THSD4: variants seen among roughly 807,000 people sequenced by gnomAD.
THSD4 encodes the protein thrombospondin type 1 domain containing 4.
A neutral mutation model predicts 119.0 loss-of-function variants in THSD4; 69 were observed. The ratio of observed to expected loss-of-function variants is 0.58; its 90% CI spans 0.48 to 0.71. The LOEUF (loss-of-function observed/expected upper bound fraction) is 0.71. Among genes scored for constraint, THSD4 ranks in the 30% least tolerant of loss-of-function variants. The probability of loss-of-function intolerance (pLI) is 0.00; values close to 1 mark genes in which losing one functional copy is unlikely to be tolerated. For missense variants in THSD4, 1,393 were observed against 1,391.1 expected, an observed-to-expected ratio of 1.00 and a Z score of -0.02; for synonymous variants, 524 against 540.4, an observed-to-expected ratio of 0.97 and a Z score of 0.42.
chr15:71,476,153 T>C (rs1358588057), intron 7 of THSD4, among the ~76,000 whole-genome samples: 1 of 152,208 alleles, frequency 6.6e-6, no homozygotes, highest in Non-Finnish European at 1.5e-5. Flanking sequence ...TGATCCATCA[T>C]GGTCATTCCA....
At position 71,609,178 on chromosome 15, in the gene THSD4, CAG is replaced by C. The variant is rs557227666; in HGVS notation, c.1153-51351_1153-51350del. On this transcript the variant is annotated intron_variant, in intron 7 of 17. Transcript: ENST00000261862. ...GAACTGAAGACTGGTAATGTGAAGACAGGGGAAAAAAAGAATAGAGGATGTAA... is the reference window on the plus strand; with the variant it reads ...GAACTGAAGACTGGTAATGTGAAGACGGGAAAAAAAGAATAGAGGATGTAA... Among the ~76,000 whole-genome samples the C allele has an allele frequency of 1.7e-3, 265 of 151,924 alleles. 1 individual carries two copies. Among genetic ancestry groups the C allele is most frequent in the Admixed American group, 4.1e-3 (63 of 15,262 alleles).
chr15:71,387,793 T>G (rs1022132782), intron 6 of THSD4, among the ~76,000 whole-genome samples: 4 of 152,232 alleles, frequency 2.6e-5, no homozygotes, highest in Non-Finnish European at 4.4e-5. Context: ...AGAATCCTGG[T>G]CAGCACAGCT....
intron 10 of THSD4, among the ~76,000 whole-genome samples, chr15:71,736,881 G>A (rs978457870): frequency 2.0e-5 from 3 of 152,202 alleles, no homozygotes; most frequent in African/African-American, 7.2e-5. Flanking sequence ...TCAAACCGGA[G>A]GAGGAAGTGG....
intron 6 of THSD4, among the ~76,000 whole-genome samples, chr15:71,322,565 A>T (rs901536799): frequency 1.3e-5 from 2 of 152,228 alleles, no homozygotes; most frequent in Non-Finnish European, 2.9e-5. Context: ...TATTATCTTA[A>T]AACGTTTCTA....
Position 71,378,073 on chromosome 15 carries a change from G to A in THSD4, c.1016-33614G>A, listed in dbSNP as rs567477524. 2.0e-5 allele frequency among the ~76,000 whole-genome samples: 3 copies of A among 152,296 alleles called. No homozygotes were observed. The South Asian group carries it at 6.2e-4, about 32-fold the overall frequency. On this transcript the variant is annotated intron_variant, in intron 6 of 17. Coordinates refer to ENST00000261862, the MANE Select transcript of THSD4 (RefSeq NM_024817.3). The stretch of plus-strand genomic sequence containing the variant: ...TGTACAGTTGTTCAGGTTGTGCACT[G>A]CACAGGGTACTGCATCTAAGGGGAT...
chr15:71,763,007 G>T (rs1278803338), intron 15 of THSD4, among the ~76,000 whole-genome samples: 1 of 152,030 alleles, frequency 6.6e-6, no homozygotes, highest in Non-Finnish European at 1.5e-5. Context: ...GGAGGCAGAG[G>T]TTGCAGTGAG....
At chr15:71,241,983 A>G (rs996937825) in intron 4 of THSD4, among the ~76,000 whole-genome samples, 4 of 152,154 alleles carry the variant, frequency 2.6e-5, no homozygotes, top group East Asian at 1.9e-4. Context: ...CTTCTAAACC[A>G]ATGTGAAGAT....
At chr15:71,731,486 AC>A (rs2052979371) in intron 10 of THSD4, 1 of 435,274 alleles carries the variant, frequency 2.3e-6, no homozygotes, top group Non-Finnish European at 4.3e-6. Context: ...AATGCTTTAT[AC>A]TAGTTTCCAG....
At chr15:71,754,844 T>C (rs1173038539) in intron 14 of THSD4, among the ~76,000 whole-genome samples, 1 of 152,126 alleles carries the variant, frequency 6.6e-6, no homozygotes, top group African/African-American at 2.4e-5. Context: ...TGAGGGATTA[T>C]ATACCATTTT....
chr15:71,747,507 G>A (rs1479072960), intron 13 of THSD4, among the ~76,000 whole-genome samples: 9 of 152,188 alleles, frequency 5.9e-5, no homozygotes, highest in East Asian at 1.9e-4. Flanking sequence ...CACGAACAAC[G>A]TTGGACATGT....
chr15:71,729,892 G>A (rs371074665), intron 9 of THSD4: 9 of 152,092 alleles, frequency 5.9e-5, no homozygotes, highest in African/African-American at 1.9e-4. Context: ...GGAACCTGAG[G>A]TCACACAACC....
At chr15:71,628,647 G>C (rs966755860) in intron 7 of THSD4, among the ~76,000 whole-genome samples, 1 of 152,226 alleles carries the variant, frequency 6.6e-6, no homozygotes, top group Non-Finnish European at 1.5e-5. Context: ...TGTTGATGCT[G>C]TTAGTTTGCA....
chr15:71,194,002 C>T (rs2044155), intron 3 of THSD4, among the ~76,000 whole-genome samples: 74,917 of 152,098 alleles, frequency 0.49, 21,780 homozygotes, highest in Admixed American at 0.69. Flanking sequence ...TGAGCCACCG[C>T]GCCCGGCCTG....
rs1253108541 is a variant in THSD4 at position 71,589,750 on chromosome 15, A to G, written c.1153-70780A>G. ...ACATGTGTGCACAGAGACGAGTACA[A>G]TAATGTTGCTAGCAGCACTGTTTAT... On this transcript the variant is annotated intron_variant, in intron 7 of 17. Coordinates refer to ENST00000261862, the MANE Select transcript of THSD4 (RefSeq NM_024817.3). Among the ~76,000 whole-genome samples the G allele has an allele frequency of 2.1e-5, 3 of 139,710 alleles. 1 individual carries two copies. The South Asian group carries it at 6.8e-4, about 32-fold the overall frequency. The allele number at this position is 139,710 out of a possible 152,430, so 91.7% of individuals were successfully genotyped here. A position where few individuals can be genotyped will look rare whatever the true frequency, so the allele number is the denominator to read the frequency against.
chr15:71,373,896 G>A (rs1302478050), intron 6 of THSD4, among the ~76,000 whole-genome samples: 1 of 152,182 alleles, frequency 6.6e-6, no homozygotes, highest in Non-Finnish European at 1.5e-5. Context: ...TGGTCCCTGA[G>A]AATTAAAAAT....
chr15:71,136,802 G>A (rs575964293), intron 1 of THSD4, among the ~76,000 whole-genome samples: 4 of 152,238 alleles, frequency 2.6e-5, no homozygotes, highest in East Asian at 1.9e-4. Flanking sequence ...TTCTGGTCAG[G>A]CCCTGAGGAG....
intron 6 of THSD4, among the ~76,000 whole-genome samples, chr15:71,324,334 G>A (rs1235082969): frequency 6.6e-6 from 1 of 152,040 alleles, no homozygotes; most frequent in Admixed American, 6.6e-5. Context: ...ATAGCTTTTG[G>A]AGTACAAGTA....
chr15:71,216,015 G>C (rs1185415936), intron 4 of THSD4, among the ~76,000 whole-genome samples: 2 of 151,462 alleles, frequency 1.3e-5, no homozygotes, highest in Non-Finnish European at 3.0e-5. Context: ...CATCAGAATA[G>C]TGGTATAGCT....
intron 4 of THSD4, among the ~76,000 whole-genome samples, chr15:71,216,018 G>A (rs1253070702): frequency 6.6e-6 from 1 of 151,110 alleles, no homozygotes; most frequent in African/African-American, 2.4e-5. Context: ...CAGAATAGTG[G>A]TATAGCTCTA....
Sources: allele counts gnomAD v4.1 joint callset (sites outside exome capture counted in the v4.1 genomes callset), GRCh38; gene constraint gnomAD v4.1.1; transcripts MANE v1.5; gene names NCBI Gene and HGNC (gene_info 2026-07-23, HGNC 2026-07-21).